The following MXRA5 variants were observed in gnomAD, a reference collection of about 807,000 sequenced individuals.
MXRA5 encodes the protein matrix remodeling associated 5.
A neutral mutation model predicts 112.5 loss-of-function variants in MXRA5; 41 were observed. That is an observed-to-expected ratio of 0.36 (90% CI 0.28 to 0.47). The LOEUF is 0.47. MXRA5 is among the 20% of genes least tolerant of loss of function. MXRA5 has a pLI of 0.99. For missense variants in MXRA5, 2,150 were observed against 2,251.0 expected (o/e 0.96, Z 0.91); for synonymous variants, 862 against 900.8 (o/e 0.96, Z 0.77).
Position 3,322,257 on chromosome X carries a change from C to T in MXRA5, c.3428G>A (p.Ser1143Asn). The part of the protein sequence containing the change: ...RQKVAPSSTM[S>N]THPSRRRPNG... Reference sequence around the variant, plus strand: ...GGGTCTCCTTCGAGAAGGGTGAGTGCTCATGGTGGATGACGGAGCAACTTT... The same window carrying T: ...GGGTCTCCTTCGAGAAGGGTGAGTGTTCATGGTGGATGACGGAGCAACTTT... The change falls in exon 5 of 7, where the codon AGC (serine) becomes AAC (asparagine). Residue 1143 changes from serine to asparagine, a missense_variant. Around this residue, in one of 6 missense-constraint regions of MXRA5, gnomAD observed 1,485 missense variants for 1,471.6 expected, o/e 1.01. Coordinates refer to ENST00000217939, the MANE Select transcript of MXRA5 (RefSeq NM_015419.4). 1 of 1,202,923 alleles carries T rather than the reference C, an allele frequency of 8.3e-7. No homozygotes were observed. The highest frequency in any genetic ancestry group is 1.1e-6 in the Non-Finnish European group (1 of 890,151).
In MXRA5 at chrX:3,322,404, G is replaced by C; in HGVS notation, c.3281C>G (p.Thr1094Ser). The change falls in exon 5 of 7, where the codon ACT becomes AGT. Residue 1094 changes from threonine (T) to serine (S), a missense_variant. By Grantham distance (58) the Thr-to-Ser change is moderately conservative. This residue lies in a region of MXRA5 where 1,485 missense variants were observed against 1,471.6 expected (regional missense o/e 1.01). Transcript: ENST00000217939. Reference protein sequence around the residue: ...ESEGQESKSITLPDSTLGIMS... With the variant: ...ESEGQESKSISLPDSTLGIMS... ...TATACCCAGTGTGGAGTCAGGCAAA[G>C]TGATGGATTTGCTCTCTTGGCCCTC... 2.5e-6 allele frequency: 3 copies of C among 1,211,639 alleles called. No homozygotes were observed. The highest frequency in any genetic ancestry group is 3.4e-6 in the Non-Finnish European group (3 of 895,427).
At chrX:3,316,497 T>TTAATAATAA (rs757741576) in intron 6 of MXRA5, among the ~76,000 whole-genome samples, 135 of 85,091 alleles carry the variant, frequency 1.6e-3, no homozygotes, top group East Asian at 4.5e-3. Context: ...CTACAAAAAG[T>TTAATAATAA]TAATAATAAT....
intron 1 of MXRA5, among the ~76,000 whole-genome samples, 161 bp from the exon 2 acceptor site, chrX:3,344,022 C>T (rs1251933461): frequency 3.6e-5 from 4 of 111,282 alleles, no homozygotes; most frequent in Non-Finnish European, 7.5e-5. Context: ...AAAGATGAAA[C>T]ATGGTTTTTT....
At position 3,321,962 on chromosome X, in the gene MXRA5, ATGTT is replaced by A. The variant is rs1921319796; in HGVS notation, c.3719_3722del (p.Lys1240IlefsTer8). 2 of 1,210,683 alleles carry A rather than the reference ATGTT, an allele frequency of 1.7e-6. No homozygotes were observed. The highest frequency in any genetic ancestry group is 2.2e-6 in the Non-Finnish European group (2 of 895,235). On this transcript the variant is annotated frameshift_variant, in exon 5 of 7. Coordinates refer to ENST00000217939, the MANE Select transcript of MXRA5 (RefSeq NM_015419.4). LOFTEE classifies it high-confidence loss of function. ...AGCTCACTGTAGAAGGGGTATATCGATGTTTGTTTGGCCTCTTCCCGTGTTTTCT... is the reference window on the plus strand; with the variant it reads ...AGCTCACTGTAGAAGGGGTATATCGATGTTTGGCCTCTTCCCGTGTTTTCT...
At chrX:3,312,435 C>A (rs1921000857) in intron 6 of MXRA5, among the ~76,000 whole-genome samples, 1 of 111,885 alleles carries the variant, frequency 8.9e-6, no homozygotes, top group Non-Finnish European at 1.9e-5. Context: ...TTATTCGGAA[C>A]TAATATGTTG....
At chrX:3,314,370 T>A (rs1921037911) in intron 6 of MXRA5, among the ~76,000 whole-genome samples, 1 of 111,008 alleles carries the variant, frequency 9.0e-6, no homozygotes, top group Admixed American at 9.6e-5. Context: ...ATCCATCCCA[T>A]CTGTGATAAC....
intron 6 of MXRA5, among the ~76,000 whole-genome samples, chrX:3,314,079 C>T (rs765708875): frequency 1.3e-4 from 15 of 112,304 alleles, no homozygotes; most frequent in African/African-American, 2.3e-4. Flanking sequence ...CTTTCCTGCT[C>T]GAGCTACTGA....
At chrX:3,332,394 G>A (rs1466383262) in intron 2 of MXRA5, among the ~76,000 whole-genome samples, 12 of 110,784 alleles carry the variant, frequency 1.1e-4, no homozygotes, top group Non-Finnish European at 2.3e-4. Flanking sequence ...ACAGGCGCCC[G>A]CCACCGCGCC....
chrX:3,335,910 A>G (rs1282852946), intron 2 of MXRA5, among the ~76,000 whole-genome samples: 1 of 112,361 alleles, frequency 8.9e-6, no homozygotes, highest in Non-Finnish European at 1.9e-5. Flanking sequence ...GAAGCCCTAC[A>G]GGTCACGTAC....
rs201965214 is a variant in MXRA5, at chrX:3,321,272, A to G, written c.4413T>C (p.Ile1471=). Residue 1471 remains isoleucine (I), a synonymous_variant, in exon 5 of 7, where the codon ATT becomes ATC. Coordinates refer to ENST00000217939, the MANE Select transcript of MXRA5 (RefSeq NM_015419.4). Reference sequence around the variant, plus strand: ...TCTGTGGTCTAGTTTCAGAAAGGAGAATAGCCACAGTGGTTTCAAGATGAT... The same window carrying G: ...TCTGTGGTCTAGTTTCAGAAAGGAGGATAGCCACAGTGGTTTCAAGATGAT... ...DQDHLETTVA[I]LLSETRPQNH... is the part of the protein sequence containing the mutation. 7.4e-6 allele frequency: 9 copies of G among 1,211,235 alleles called. No homozygotes were observed. In the South Asian group the frequency reaches 1.6e-4, roughly 21 times the overall value.
intron 2 of MXRA5, among the ~76,000 whole-genome samples, chrX:3,343,150 C>T (rs1224058476): frequency 2.7e-5 from 3 of 112,458 alleles, no homozygotes; most frequent in Non-Finnish European, 5.6e-5. Flanking sequence ...TTTAAAAAGA[C>T]GTTGATATTT....
At chrX:3,341,136 TATATTATAC>T (rs1921931224) in intron 2 of MXRA5, among the ~76,000 whole-genome samples, 5 of 57,615 alleles carry the variant, frequency 8.7e-5, no homozygotes, top group African/African-American at 3.4e-4. Flanking sequence ...TAATATATTA[TATATTATAC>T]ATATATTATA....
At chrX:3,334,042 C>G (rs1456412929) in intron 2 of MXRA5, among the ~76,000 whole-genome samples, 1 of 111,668 alleles carries the variant, frequency 9.0e-6, no homozygotes, top group Non-Finnish European at 1.9e-5. Flanking sequence ...AGTGTGGTGG[C>G]ACAATCTTGG....
At position 3,309,761 on chromosome X, in the gene MXRA5, G is replaced by GT; in HGVS notation, c.8441dup (p.Asn2814LysfsTer6). The GT allele has an allele frequency of 8.3e-7, 1 of 1,211,717 alleles. No individual in the cohort carries two copies. The highest frequency in any genetic ancestry group is 1.1e-6 in the Non-Finnish European group (1 of 895,449). On this transcript the variant is annotated frameshift_variant, in exon 7 of 7. Coordinates refer to ENST00000217939, the MANE Select transcript of MXRA5 (RefSeq NM_015419.4). LOFTEE classifies it high-confidence loss of function. ...TTGTTTTGGAGTCACTGCCGAGAAT[G>GT]TTTTTTGCCATGCACTTGTAGAAGC...
rs1430525502 is a variant in MXRA5, at chrX:3,334,969, T to C, written c.189-4196A>G. On this transcript the variant is annotated intron_variant, in intron 2 of 6. Transcript: ENST00000217939. ...CAGTTAATCGTCCCTGAATGCAAGG[T>C]AAAGCTTTGGTCTCAAGATCCTTGT... is the stretch of plus-strand genomic sequence containing the variant. 2.7e-5 allele frequency among the ~76,000 whole-genome samples: 3 copies of C among 111,379 alleles called. No homozygotes were observed. In the Admixed American group the frequency reaches 2.9e-4, roughly 11 times the overall value.
At chrX:3,319,943 A>G in intron 5 of MXRA5, 65 bp downstream of exon 5, 1 of 843,085 alleles carries the variant, frequency 1.2e-6, no homozygotes, top group Non-Finnish European at 1.7e-6. Flanking sequence ...TTAATGTATT[A>G]TATTGCTAGC....
chrX:3,316,402 C>T (rs1004986829), intron 6 of MXRA5, among the ~76,000 whole-genome samples: 4 of 105,365 alleles, frequency 3.8e-5, no homozygotes, highest in African/African-American at 1.0e-4. Context: ...AGCCTGTCAT[C>T]CCAGCACTTT....
chrX:3,329,990 G>C (rs763859683), intron 4 of MXRA5, 28 bp downstream of exon 4: 3 of 1,190,755 alleles, frequency 2.5e-6, no homozygotes, highest in Non-Finnish European at 3.4e-6. Flanking sequence ...TGTGCAGCTA[G>C]GAGTGGTCTG....
chrX:3,322,720 C>A lies in MXRA5; in HGVS notation c.2965G>T (p.Asp989Tyr). Residue 989 changes from aspartate to tyrosine, a missense_variant, in exon 5 of 7, where the codon GAT becomes TAT. Transcript: ENST00000217939. The stretch of plus-strand genomic sequence containing the variant: ...GTGTCTTCTTTCATCTTATCCTCAT[C>A]TGGTTGTGACTTAGTCTCCAAATCT... ...DPDLETKSQPDEDKMKEDTFA... is the reference protein window; with the variant it reads ...DPDLETKSQPYEDKMKEDTFA... 1 of 1,211,458 alleles carries A rather than the reference C, an allele frequency of 8.3e-7. No homozygotes were observed. The highest frequency in any genetic ancestry group is 1.1e-6 in the Non-Finnish European group (1 of 895,532).
Sources: gnomAD v4.1 joint callset for allele counts (sites outside exome capture counted in the v4.1 genomes callset) on GRCh38, gnomAD v4.1.1 for gene constraint, gnomAD v4.1.1 regional missense constraint, MANE v1.5 for transcripts, NCBI Gene and HGNC (gene_info 2026-07-23, HGNC 2026-07-21) for gene names.